The following DHTKD1 variants were observed in gnomAD, a reference collection of about 807,000 sequenced individuals.
DHTKD1 encodes 2-oxoadipate dehydrogenase complex component E1.
In DHTKD1, 78 loss-of-function variants were observed where a neutral mutation model predicts 101.8. That is an observed-to-expected ratio of 0.77 (90% CI 0.64 to 0.93). The LOEUF is 0.93. Among genes scored for constraint, DHTKD1 ranks in the 40% least tolerant of loss-of-function variants. DHTKD1 has a pLI of 0.00. For missense variants in DHTKD1, 1,223 were observed against 1,161.7 expected (o/e 1.05, Z -0.77); for synonymous variants, 462 against 450.3 (o/e 1.03, Z -0.33).
In DHTKD1 at chr10:12,087,622, G is replaced by A. The variant is rs751438050; in HGVS notation, c.610G>A (p.Glu204Lys). Reference protein sequence around the residue: ...GAESMMGFFHELLKMSAYSGI... With the variant: ...GAESMMGFFHKLLKMSAYSGI... ...TGAAAGCATGATGGGCTTTTTCCAC[G>A]AGCTGCTGAAAATGTCGGCCTACAG... Residue 204 changes from glutamate to lysine, a missense_variant, in exon 4 of 17, where the codon GAG becomes AAG. Physicochemically the swap from Glu to Lys is moderately conservative, Grantham distance 56. Coordinates refer to ENST00000263035, the MANE Select transcript of DHTKD1 (RefSeq NM_018706.7). The surrounding 1 kb of genome is among the most constrained non-coding windows in gnomAD (Gnocchi z 5.2). 40 of 1,613,876 alleles carry A rather than the reference G, an allele frequency of 2.5e-5. No individual in the cohort carries two copies. Among genetic ancestry groups the A allele is most frequent in the South Asian group, 8.8e-5 (8 of 91,050 alleles).
chr10:12,083,945 C>G (rs998595637), intron 2 of DHTKD1, among the ~76,000 whole-genome samples: 11 of 151,652 alleles, frequency 7.3e-5, no homozygotes, highest in African/African-American at 2.7e-4. Flanking sequence ...TATTTTGGGA[C>G]AGAGCCTTGC....
Position 12,069,009 on chromosome 10 carries a change from A to T in DHTKD1, c.-25A>T, listed in dbSNP as rs984082556. The T allele has an allele frequency of 6.2e-7, 1 of 1,612,290 alleles. No homozygotes were observed. The highest frequency in any genetic ancestry group is 8.5e-7 in the Non-Finnish European group (1 of 1,179,374). ...GATCCCCTCGGGCTCCCGCCTTAGC[A>T]TGCTGGCCGGGACATCTGGTGAACA... On this transcript the variant is annotated 5_prime_UTR_variant, in exon 1 of 17. The change abolishes an upstream ATG in the 5' untranslated region. Coordinates refer to ENST00000263035, the MANE Select transcript of DHTKD1 (RefSeq NM_018706.7).
chr10:12,081,552 G>A lies in DHTKD1; in HGVS notation c.235G>A (p.Gly79Arg), dbSNP rs752172609. Residue 79 changes from glycine (G) to arginine (R), a missense_variant, in exon 2 of 17, where the codon GGA (glycine) becomes AGA (arginine). Gly to Arg is a moderately radical substitution (Grantham distance 125, BLOSUM62 -2). Transcript: ENST00000263035. ...TGCCAAAATCAACCCCCTCTTCACCGGACAAGCCCTGCTGGAGAATGTGCC... is the reference window on the plus strand; with the variant it reads ...TGCCAAAATCAACCCCCTCTTCACCAGACAAGCCCTGCTGGAGAATGTGCC... The part of the protein sequence containing the change: ...KAAKINPLFT[G>R]QALLENVPEI... The A allele has an allele frequency of 2.7e-5, 44 of 1,613,984 alleles. No individual in the cohort carries two copies. Among genetic ancestry groups the A allele is most frequent in the African/African-American group, 4.0e-5 (3 of 74,920 alleles).
At chr10:12,105,968 G>T (rs569527020) in intron 10 of DHTKD1, among the ~76,000 whole-genome samples, 2 of 152,258 alleles carry the variant, frequency 1.3e-5, no homozygotes, top group East Asian at 3.9e-4. Context: ...GGTGGCGGGT[G>T]CCTGTAATCC....
rs765729432 is a variant in DHTKD1 at position 12,118,758 on chromosome 10, C to T, written c.2412C>T (p.Thr804=). ...DSSVDPKKVK[T]LVFCSGKHFY... ...CTTTTCTGTCCAACAGGGTTAAGAC[C>T]CTCGTGTTCTGCTCCGGCAAACATT... The change falls in exon 15 of 17, where the codon ACC becomes ACT. Residue 804 remains threonine (T), a synonymous_variant. Transcript: ENST00000263035. 2.5e-6 allele frequency: 4 copies of T among 1,569,088 alleles called. No homozygotes were observed. The South Asian group carries it at 3.6e-5, about 14-fold the overall frequency.
chr10:12,081,773 G>A (rs1832824261), intron 2 of DHTKD1, 146 bp downstream of exon 2: 1 of 765,420 alleles, frequency 1.3e-6, no homozygotes, highest in Non-Finnish European at 2.1e-6. Context: ...AGTACGGTCC[G>A]GGAGGAGCAT....
chr10:12,118,745 A>G lies in DHTKD1; in HGVS notation c.2403-4A>G. On this transcript the variant is annotated splice_region_variant and splice_polypyrimidine_tract_variant and intron_variant, in intron 14 of 16. Coordinates refer to ENST00000263035, the MANE Select transcript of DHTKD1 (RefSeq NM_018706.7). The stretch of plus-strand genomic sequence containing the variant: ...CACCCTATTGTTCCTTTTCTGTCCA[A>G]CAGGGTTAAGACCCTCGTGTTCTGC... The G allele has an allele frequency of 6.6e-7, 1 of 1,514,548 alleles. No individual in the cohort carries two copies. The highest frequency in any genetic ancestry group is 2.2e-5 in the Admixed American group (1 of 44,468). The allele number at this position is 1,514,548 out of a possible 1,614,324, so 93.8% of individuals were successfully genotyped here.
intron 16 of DHTKD1, among the ~76,000 whole-genome samples, chr10:12,120,512 A>G (rs975256331): frequency 1.3e-5 from 2 of 151,470 alleles, no homozygotes; most frequent in African/African-American, 4.8e-5. Flanking sequence ...TTTTTTTTGT[A>G]TTTTTAGTAG....
Position 12,087,481 on chromosome 10 carries a change from A to T in DHTKD1, c.523-54A>T, listed in dbSNP as rs183320317. ...ACACACACAGACTTATCTGCCTTCCACTGGAGAAGCTGGCTGTCTCCTGGC... is the reference window on the plus strand; with the variant it reads ...ACACACACAGACTTATCTGCCTTCCTCTGGAGAAGCTGGCTGTCTCCTGGC... On this transcript the variant is annotated intron_variant, in intron 3 of 16. Coordinates refer to ENST00000263035, the MANE Select transcript of DHTKD1 (RefSeq NM_018706.7). This position sits in a 1 kb window ranked among gnomAD's most constrained non-coding sequence, Gnocchi z 5.2. 2.8e-5 allele frequency: 42 copies of T among 1,498,540 alleles called. No homozygotes were observed. The highest frequency in any genetic ancestry group is 3.4e-5 in the Non-Finnish European group (38 of 1,106,110). 92.8% of individuals were successfully genotyped at this position (1,498,540 alleles called of 1,614,324 possible). A position where few individuals can be genotyped will look rare whatever the true frequency, so the allele number is the denominator to read the frequency against.
At chr10:12,115,823 A>C (rs576665411) in intron 13 of DHTKD1, among the ~76,000 whole-genome samples, 23 of 152,034 alleles carry the variant, frequency 1.5e-4, no homozygotes, top group African/African-American at 4.8e-4. Flanking sequence ...GCTGGCATGC[A>C]GCGGCATAAT....
In DHTKD1 at chr10:12,094,177, GA is replaced by G; in HGVS notation, c.1265del (p.Asp422ValfsTer2). On this transcript the variant is annotated frameshift_variant, in exon 7 of 17. Transcript: ENST00000263035. LOFTEE classifies it high-confidence loss of function. Reference sequence around the variant, plus strand: ...TGAATACCAACGCCAGTTCCGCAAGGATGTGATTATTGATCTGTTGTGCTAC... The same window carrying G: ...TGAATACCAACGCCAGTTCCGCAAGGTGTGATTATTGATCTGTTGTGCTAC... The part of the protein sequence containing the change: ...AFEYQRQFRK[D>X]VIIDLLCYRQ... 6.2e-7 allele frequency: 1 copy of G among 1,614,202 alleles called. No individual in the cohort carries two copies.
rs1417896793 is a variant in DHTKD1 at position 12,087,120 on chromosome 10, C to G, written c.523-415C>G. Among the ~76,000 whole-genome samples, 1 of 152,134 alleles carries G rather than the reference C, an allele frequency of 6.6e-6. No individual in the cohort carries two copies. The highest frequency in any genetic ancestry group is 2.4e-5 in the African/African-American group (1 of 41,418). ...CTCTGCTGGGGCTGTGACCAGGACT[C>G]TGGAATGTCAAGATGGCAAGAAGCC... On this transcript the variant is annotated intron_variant, in intron 3 of 16. Coordinates refer to ENST00000263035, the MANE Select transcript of DHTKD1 (RefSeq NM_018706.7). This position sits in a 1 kb window ranked among gnomAD's most constrained non-coding sequence, Gnocchi z 5.2.
chr10:12,074,620 AG>A (rs1313985598), intron 1 of DHTKD1, among the ~76,000 whole-genome samples: 2 of 149,826 alleles, frequency 1.3e-5, no homozygotes, highest in Non-Finnish European at 3.0e-5. Flanking sequence ...GGCCTCCCAA[AG>A]TGCTGGGATT....
intron 1 of DHTKD1, among the ~76,000 whole-genome samples, chr10:12,077,601 C>T (rs551210876): frequency 7.2e-5 from 11 of 152,204 alleles, no homozygotes; most frequent in African/African-American, 2.2e-4. Context: ...TAATGGCTGT[C>T]GGCAATTTGA....
chr10:12,111,169 T>C (rs1237362465), intron 12 of DHTKD1, among the ~76,000 whole-genome samples: 1 of 151,852 alleles, frequency 6.6e-6, no homozygotes, highest in Admixed American at 6.6e-5. Context: ...TCCTTTTGTG[T>C]TTTCTTTTAT....
chr10:12,093,567 C>A (rs777748821), intron 6 of DHTKD1, among the ~76,000 whole-genome samples: 2 of 152,152 alleles, frequency 1.3e-5, no homozygotes, highest in African/African-American at 4.8e-5. Flanking sequence ...ATGGTAGCAA[C>A]TATTCTCCTT....
At position 12,091,552 on chromosome 10, in the gene DHTKD1, C is replaced by T. The variant is rs1417151136; in HGVS notation, c.1027C>T (p.Pro343Ser). 2 of 1,612,142 alleles carry T rather than the reference C, an allele frequency of 1.2e-6. No individual in the cohort carries two copies. Among genetic ancestry groups the T allele is most frequent in the East Asian group, 4.5e-5 (2 of 44,820 alleles). ...TTCTTTCTGTGGTCAAGGGATTGTT[C>T]CTGAAACATTCACGCTGTCCAATCT... ...DASFCGQGIV[P>S]ETFTLSNLPH... The change falls in exon 6 of 17, where the codon CCT (proline) becomes TCT (serine). Residue 343 changes from proline to serine, a missense_variant. Physicochemically the swap from Pro to Ser is moderately conservative, Grantham distance 74. Transcript: ENST00000263035.
intron 8 of DHTKD1, 67 bp from the exon 9 acceptor site, chr10:12,100,111 G>A: frequency 2.2e-6 from 2 of 920,776 alleles, no homozygotes; most frequent in South Asian, 1.5e-5. Flanking sequence ...TAAATTTTTT[G>A]TACTCATTGT....
chr10:12,113,382 G>A (rs1030900621), intron 13 of DHTKD1, among the ~76,000 whole-genome samples: 6 of 152,176 alleles, frequency 3.9e-5, no homozygotes, highest in Non-Finnish European at 8.8e-5. Flanking sequence ...ATTTTTAGTA[G>A]AGATGGGGTT....
Sources: gnomAD v4.1 joint callset for allele counts (sites outside exome capture counted in the v4.1 genomes callset) on GRCh38, gnomAD v4.1.1 for gene constraint, Gnocchi (gnomAD v3.1) non-coding constraint, MANE v1.5 for transcripts, NCBI Gene and HGNC (gene_info 2026-07-23, HGNC 2026-07-21) for gene names.